Variants in DOT1L observed in about 807,000 individuals in gnomAD.
The protein encoded by DOT1L is DOT1 like histone lysine methyltransferase, also known as histone-lysine N-methyltransferase, H3 lysine-79 specific.
Under a neutral mutation model 153.3 loss-of-function variants are expected in DOT1L, and 33 were observed. The observed-to-expected ratio is 0.22, with a 90% CI of 0.16 to 0.29. The LOEUF (loss-of-function observed/expected upper bound fraction) is 0.29. Ranked by LOEUF, DOT1L falls within the 10% of genes least tolerant of loss-of-function variation. The pLI is 1.00. For missense variants in DOT1L, 1,847 were observed against 2,119.9 expected (o/e 0.87, Z 2.53); for synonymous variants, 1,135 against 965.1 (o/e 1.18, Z -3.26).
At chr19:2,225,673 T>C (rs576401688) in intron 26 of DOT1L, among the ~76,000 whole-genome samples, 1 of 152,266 alleles carries the variant, frequency 6.6e-6, no homozygotes, top group African/African-American at 2.4e-5. Flanking sequence ...AGGCCCTCAC[T>C]GCAGCCCAGG....
chr19:2,164,759 C>T (rs748604354), intron 1 of DOT1L, among the ~76,000 whole-genome samples: 2 of 152,262 alleles, frequency 1.3e-5, no homozygotes, highest in South Asian at 2.1e-4. Context: ...TGGGAGTTAA[C>T]GTCCCCTTGA....
intron 2 of DOT1L, among the ~76,000 whole-genome samples, chr19:2,182,349 C>T (rs1020382182): frequency 2.0e-5 from 3 of 151,866 alleles, no homozygotes; most frequent in African/African-American, 7.3e-5. Context: ...GGAGATTGGC[C>T]GGGCAACATA....
rs1466950976 is a variant in DOT1L at position 2,210,487 on chromosome 19, G to T, written c.1093G>T (p.Ala365Ser). Reference protein sequence around the residue: ...TPTKGPEGKVAGPADAPMDSG... With the variant: ...TPTKGPEGKVSGPADAPMDSG... ...CACTAAGGGCCCAGAGGGCAAGGTGGCCGGCCCCGCCGACGCCCCCATGGT... is the reference window on the plus strand; with the variant it reads ...CACTAAGGGCCCAGAGGGCAAGGTGTCCGGCCCCGCCGACGCCCCCATGGT... Residue 365 changes from alanine (A) to serine (S), a missense_variant, in exon 13 of 28, where the codon GCC becomes TCC. This residue lies in a region of DOT1L where 205 missense variants were observed against 203.1 expected (regional missense o/e 1.01). Coordinates refer to ENST00000398665, the MANE Select transcript of DOT1L (RefSeq NM_032482.3). 1 of 1,592,256 alleles carries T rather than the reference G, an allele frequency of 6.3e-7. No homozygotes were observed. Among genetic ancestry groups the T allele is most frequent in the Non-Finnish European group, 8.5e-7 (1 of 1,171,238 alleles).
chr19:2,169,815 G>A (rs185293048), intron 1 of DOT1L, among the ~76,000 whole-genome samples: 3 of 152,018 alleles, frequency 2.0e-5, no homozygotes, highest in Non-Finnish European at 2.9e-5. Context: ...CCTTTAGCTC[G>A]ACAGTGTGAA....
chr19:2,221,570 T>G, intron 23 of DOT1L: 1 of 201,906 alleles, frequency 5.0e-6, no homozygotes, highest in African/African-American at 2.3e-5. Context: ...GTATCCAAGC[T>G]GAGTTGTCTT....
At chr19:2,171,491 G>T (rs1015670) in intron 1 of DOT1L, among the ~76,000 whole-genome samples, 1 of 151,906 alleles carries the variant, frequency 6.6e-6, no homozygotes, top group Non-Finnish European at 1.5e-5. Flanking sequence ...TGTCACCACC[G>T]GGGTGGGGGA....
intron 1 of DOT1L, among the ~76,000 whole-genome samples, chr19:2,168,496 G>A (rs557289755): frequency 1.4e-4 from 21 of 152,314 alleles, no homozygotes; most frequent in Admixed American, 4.6e-4. Flanking sequence ...GTCCACGCTC[G>A]GAAATGAGCA....
At chr19:2,168,746 G>T (rs1051302292) in intron 1 of DOT1L, among the ~76,000 whole-genome samples, 1 of 151,886 alleles carries the variant, frequency 6.6e-6, no homozygotes, top group African/African-American at 2.4e-5. Flanking sequence ...TCCCCAGTAG[G>T]TGGGACTACA....
intron 1 of DOT1L, among the ~76,000 whole-genome samples, chr19:2,164,633 C>T (rs1419302621): frequency 4.0e-5 from 6 of 151,588 alleles, no homozygotes; most frequent in Admixed American, 2.6e-4. Context: ...GTGTGTCCGC[C>T]GCCTTATTTT....
chr19:2,194,498 G>C lies in DOT1L; in HGVS notation c.589-17G>C. 1 of 1,613,804 alleles carries C rather than the reference G, an allele frequency of 6.2e-7. No individual in the cohort carries two copies. The highest frequency in any genetic ancestry group is 8.5e-7 in the Non-Finnish European group (1 of 1,179,892). On this transcript the variant is annotated splice_polypyrimidine_tract_variant and intron_variant, in intron 6 of 27. Transcript: ENST00000398665. ...CCCTGAGAGTTTGTAACGGGCGTTT[G>C]GTTTCTTTCCTTCCAGACCATGGAC... is the stretch of plus-strand genomic sequence containing the variant.
At chr19:2,188,450 C>T (rs910704567) in intron 3 of DOT1L, among the ~76,000 whole-genome samples, 2 of 129,188 alleles carry the variant, frequency 1.5e-5, no homozygotes, top group South Asian at 2.5e-4. Flanking sequence ...TGGCGGAGGA[C>T]GGAGGCGGAG....
Position 2,229,869 on chromosome 19 carries a change from C to G in DOT1L, c.*77C>G. 1.2e-6 allele frequency: 2 copies of G among 1,610,514 alleles called. No individual in the cohort carries two copies. The highest frequency in any genetic ancestry group is 1.1e-5 in the South Asian group (1 of 91,026). Reference sequence around the variant, plus strand: ...CGCCCGCGGCATGGTGCCCGCCGGCCTGCCGGGCTCCCACCCCTGGACGGC... The same window carrying G: ...CGCCCGCGGCATGGTGCCCGCCGGCGTGCCGGGCTCCCACCCCTGGACGGC... On this transcript the variant is annotated 3_prime_UTR_variant, in exon 28 of 28. Transcript: ENST00000398665.
intron 3 of DOT1L, among the ~76,000 whole-genome samples, chr19:2,186,619 C>T (rs376242391): frequency 1.1e-4 from 17 of 152,202 alleles, no homozygotes; most frequent in African/African-American, 2.2e-4. Flanking sequence ...CCTGGCTCTC[C>T]GGCCTCACTG....
chr19:2,164,363 C>G, intron 1 of DOT1L, 98 bp downstream of exon 1: 1 of 802,736 alleles, frequency 1.2e-6, no homozygotes, highest in Non-Finnish European at 1.7e-6. Flanking sequence ...CACCGGTCCC[C>G]CCTGCGGAAC....
Position 2,226,772 on chromosome 19 carries a change from G to T in DOT1L, c.4251G>T (p.Glu1417Asp). The T allele has an allele frequency of 6.4e-7, 1 of 1,571,518 alleles. No individual in the cohort carries two copies. Among genetic ancestry groups the T allele is most frequent in the Non-Finnish European group, 8.6e-7 (1 of 1,164,882 alleles). Residue 1417 changes from glutamate to aspartate, a missense_variant, in exon 27 of 28, where the codon GAG becomes GAT. Glu to Asp is a conservative substitution (Grantham distance 45, BLOSUM62 2). Transcript: ENST00000398665. ...SGKAAKARDR[E>D]VDLKNGHNLF... ...AGGCCGCCAAGGCCCGGGACCGCGA[G>T]GTCGACCTCAAGAATGGCCACAACC...
chr19:2,214,009 A>G (rs773481555), intron 18 of DOT1L, 23 bp downstream of exon 18: 2 of 1,608,106 alleles, frequency 1.2e-6, no homozygotes, highest in Admixed American at 1.7e-5. Context: ...GCGCAAGGAC[A>G]GGGACGTGGA....
intron 8 of DOT1L, among the ~76,000 whole-genome samples, chr19:2,200,820 TCTCGTCCTCCCCG>T (rs2023232627): frequency 1.5e-4 from 4 of 27,182 alleles, no homozygotes; most frequent in Non-Finnish European, 2.2e-4. Context: ...TCCCCACGCC[TCTCGTCCTCCCCG>T]CATTCCTCGT....
intron 1 of DOT1L, among the ~76,000 whole-genome samples, chr19:2,171,339 G>A (rs905264973): frequency 2.0e-5 from 3 of 152,172 alleles, no homozygotes; most frequent in Admixed American, 2.0e-4. Flanking sequence ...TTCTGGTCCC[G>A]AATTGTACTG....
At chr19:2,210,290 A>C in intron 12 of DOT1L, 110 bp from the exon 13 acceptor site, 1 of 966,406 alleles carries the variant, frequency 1.0e-6, no homozygotes, top group Non-Finnish European at 1.5e-6. Context: ...CTTGCAGTGG[A>C]CAGAGTTGGG....
Sources: gnomAD v4.1 joint callset for allele counts (sites outside exome capture counted in the v4.1 genomes callset) on GRCh38, gnomAD v4.1.1 for gene constraint, gnomAD v4.1.1 regional missense constraint, MANE v1.5 for transcripts, NCBI Gene and HGNC (gene_info 2026-07-23, HGNC 2026-07-21) for gene names.